Variants in EPB41L5 observed in about 807,000 individuals in gnomAD.
EPB41L5 encodes the protein band 4.1-like protein 5.
Under a neutral mutation model 106.6 loss-of-function variants are expected in EPB41L5, and 55 were observed. The ratio of observed to expected loss-of-function variants is 0.52; its 90% CI spans 0.42 to 0.65. The LOEUF is 0.65. EPB41L5 is among the 30% of genes least tolerant of loss of function. The pLI, the probability that EPB41L5 is intolerant of heterozygous loss-of-function variation, is 0.00. For synonymous variants in EPB41L5, 297 were observed against 306.7 expected (o/e 0.97, Z 0.33); for missense variants, 871 against 882.1 (o/e 0.99, Z 0.16).
At chr2:120,169,371 C>A (rs749504352) in intron 24 of EPB41L5, among the ~76,000 whole-genome samples, 12 of 152,124 alleles carry the variant, frequency 7.9e-5, no homozygotes, top group Non-Finnish European at 1.6e-4. Flanking sequence ...AAATATGAAA[C>A]ATCAGATAAT....
intron 14 of EPB41L5, among the ~76,000 whole-genome samples, chr2:120,096,335 C>T (rs919665349): frequency 1.3e-4 from 20 of 151,940 alleles, no homozygotes; most frequent in African/African-American, 4.6e-4. Context: ...TGTCAATAGG[C>T]TGTTGAAAAT....
At chr2:120,144,501 T>C (rs1025913619) in intron 19 of EPB41L5, among the ~76,000 whole-genome samples, 3 of 152,202 alleles carry the variant, frequency 2.0e-5, no homozygotes, top group African/African-American at 2.4e-5. Context: ...AGAAGTAACA[T>C]GAGTAACCCT....
chr2:120,144,568 G>A (rs756244644), intron 19 of EPB41L5, among the ~76,000 whole-genome samples: 1 of 152,146 alleles, frequency 6.6e-6, no homozygotes, highest in African/African-American at 2.4e-5. Flanking sequence ...AGAAATCCAG[G>A]ATCAAATACC....
At chr2:120,123,150 G>GT (rs199614887) in intron 16 of EPB41L5, among the ~76,000 whole-genome samples, 3,007 of 148,986 alleles carry the variant, frequency 0.02, 88 homozygotes, top group African/African-American at 0.065. Flanking sequence ...ACAAAGTTTT[G>GT]TTTTTTTTTC....
At chr2:120,030,884 AATTT>A (rs1176578265) in intron 2 of EPB41L5, among the ~76,000 whole-genome samples, 4 of 149,818 alleles carry the variant, frequency 2.7e-5, no homozygotes, top group South Asian at 2.1e-4. Flanking sequence ...TTAATTAATT[AATTT>A]ATTTAGAGAC....
At chr2:120,105,489 G>T in intron 16 of EPB41L5, 1 of 985,328 alleles carries the variant, frequency 1.0e-6, no homozygotes, top group Non-Finnish European at 1.2e-6. Flanking sequence ...CTTAATACTG[G>T]ACTATTGGTT....
chr2:120,169,189 A>G (rs72841653), intron 24 of EPB41L5, among the ~76,000 whole-genome samples: 2 of 152,100 alleles, frequency 1.3e-5, no homozygotes, highest in Admixed American at 1.3e-4. Flanking sequence ...CTCATATGTA[A>G]TACAGTTTTC....
intron 14 of EPB41L5, among the ~76,000 whole-genome samples, chr2:120,096,802 G>T (rs921949709): frequency 1.3e-5 from 2 of 151,958 alleles, no homozygotes; most frequent in African/African-American, 4.8e-5. Flanking sequence ...ATAATAAAAA[G>T]AAAAAGAAAA....
At chr2:120,033,072 C>A (rs1354432263) in intron 2 of EPB41L5, among the ~76,000 whole-genome samples, 1 of 152,082 alleles carries the variant, frequency 6.6e-6, no homozygotes, top group Admixed American at 6.6e-5. Flanking sequence ...TTTAGAACAC[C>A]ATTTCTAAGG....
intron 22 of EPB41L5, among the ~76,000 whole-genome samples, 155 bp from the exon 23 acceptor site, chr2:120,167,311 G>A (rs1687457608): frequency 6.6e-6 from 1 of 152,150 alleles, no homozygotes; most frequent in Non-Finnish European, 1.5e-5. Flanking sequence ...AAAGGGTCTT[G>A]GATTTAGAAG....
At chr2:120,087,278 T>G (rs1228974488) in intron 11 of EPB41L5, 38 bp downstream of exon 11, 1 of 1,220,656 alleles carries the variant, frequency 8.2e-7, no homozygotes, top group Non-Finnish European at 1.2e-6. Flanking sequence ...TGTGTAACAG[T>G]GACTGTATTA....
intron 14 of EPB41L5, among the ~76,000 whole-genome samples, chr2:120,096,399 G>A (rs1683758030): frequency 6.6e-6 from 1 of 152,132 alleles, no homozygotes; most frequent in Admixed American, 6.5e-5. Flanking sequence ...CTCTCTCCGT[G>A]AGATTTTTAT....
chr2:120,122,012 T>G (rs1306750129), intron 16 of EPB41L5, among the ~76,000 whole-genome samples: 1 of 152,222 alleles, frequency 6.6e-6, no homozygotes, highest in Non-Finnish European at 1.5e-5. Flanking sequence ...CTTTGCCCAC[T>G]TTTTGATGGG....
chr2:120,163,100 T>A (rs1254983527), intron 21 of EPB41L5, among the ~76,000 whole-genome samples: 1 of 152,136 alleles, frequency 6.6e-6, no homozygotes, highest in South Asian at 2.1e-4. Flanking sequence ...AAAAATTTTT[T>A]AAAAATTAGC....
At chr2:120,060,517 GTTATATA>G (rs564332163) in intron 3 of EPB41L5, among the ~76,000 whole-genome samples, 289 of 152,236 alleles carry the variant, frequency 1.9e-3, no homozygotes, top group Non-Finnish European at 3.7e-3. Context: ...GTATCAAAAG[GTTATATA>G]TTATATGATT....
At chr2:120,133,235 C>T (rs1380053191) in intron 18 of EPB41L5, among the ~76,000 whole-genome samples, 1 of 152,162 alleles carries the variant, frequency 6.6e-6, no homozygotes, top group East Asian at 1.9e-4. Context: ...GATCATCCCC[C>T]TTGCAGGAAC....
intron 20 of EPB41L5, 43 bp from the exon 21 acceptor site, chr2:120,160,838 T>TGTACAG: frequency 7.0e-7 from 1 of 1,425,384 alleles, no homozygotes; most frequent in Non-Finnish European, 9.9e-7. Flanking sequence ...TGCCTGTACC[T>TGTACAG]GTACAGGTCC....
At chr2:120,174,550 C>G (rs560369209) in intron 24 of EPB41L5, among the ~76,000 whole-genome samples, 2 of 151,930 alleles carry the variant, frequency 1.3e-5, no homozygotes, top group South Asian at 4.2e-4. Flanking sequence ...TCTTGATACT[C>G]ATACTAACCC....
chr2:120,145,839 G>A (rs867270039), intron 19 of EPB41L5, among the ~76,000 whole-genome samples: 13 of 151,978 alleles, frequency 8.6e-5, no homozygotes, highest in African/African-American at 2.7e-4. Context: ...CCAGCTACTC[G>A]GGAGGCTGAG....
Sources: gnomAD v4.1 joint callset for allele counts (sites outside exome capture counted in the v4.1 genomes callset) on GRCh38, gnomAD v4.1.1 for gene constraint, MANE v1.5 for transcripts, NCBI Gene and HGNC (gene_info 2026-07-23, HGNC 2026-07-21) for gene names.